PRUNE2: variants seen among roughly 807,000 people sequenced by gnomAD.
The protein encoded by PRUNE2 is prune homolog 2 with BCH domain.
Under a neutral mutation model 252.0 loss-of-function variants are expected in PRUNE2, and 164 were observed. The ratio of observed to expected loss-of-function variants is 0.65; its 90% CI spans 0.57 to 0.74. The LOEUF (loss-of-function observed/expected upper bound fraction) is 0.74. PRUNE2 is among the 30% of genes least tolerant of loss of function. The probability of loss-of-function intolerance (pLI) is 0.00; values close to 1 mark genes in which losing one functional copy is unlikely to be tolerated. For missense variants in PRUNE2, 3,495 were observed against 3,711.0 expected, an observed-to-expected ratio of 0.94 and a Z score of 1.51; for synonymous variants, 1,292 against 1,350.2, an observed-to-expected ratio of 0.96 and a Z score of 0.94.
chr9:76,637,593 T>C, intron 13 of PRUNE2, 44 bp from the exon 14 acceptor site: 1 of 1,567,124 alleles, frequency 6.4e-7, no homozygotes, highest in South Asian at 1.1e-5. Context: ...TCCCACATCC[T>C]ATTGACACCA....
chr9:76,616,868 T>C (rs912203349), intron 18 of PRUNE2, among the ~76,000 whole-genome samples: 3 of 151,826 alleles, frequency 2.0e-5, no homozygotes, highest in South Asian at 2.1e-4. Context: ...TGTAAAAATA[T>C]AAAAAGGCAT....
intron 4 of PRUNE2, among the ~76,000 whole-genome samples, chr9:76,838,930 G>A (rs956736940): frequency 6.6e-6 from 1 of 151,938 alleles, no homozygotes; most frequent in African/African-American, 2.4e-5. Flanking sequence ...TCTTTTTGGT[G>A]CAAAGTATTA....
intron 4 of PRUNE2, among the ~76,000 whole-genome samples, chr9:76,837,244 C>G (rs191489144): frequency 3.3e-5 from 5 of 152,084 alleles, no homozygotes; most frequent in Admixed American, 2.0e-4. Context: ...GCGATTGAGA[C>G]CATCCTGGCC....
chr9:76,865,806 TACACACACAC>T lies in PRUNE2; in HGVS notation c.37-11608_37-11599del, dbSNP rs34661457. ...TCCCTTCTTTCTCCCTCTCTCTCCCTACACACACACACACACACACACACACACACACACA... is the reference window on the plus strand; with the variant it reads ...TCCCTTCTTTCTCCCTCTCTCTCCCTACACACACACACACACACACACACA... On this transcript the variant is annotated intron_variant, in intron 1 of 18. Transcript: ENST00000376718. Among the ~76,000 whole-genome samples, 31 of 127,214 alleles carry T rather than the reference TACACACACAC, an allele frequency of 2.4e-4. No individual in the cohort carries two copies. The East Asian group carries it at 3.1e-3, about 13-fold the overall frequency. The allele number at this position is 127,214 out of a possible 152,430, so 83.5% of individuals were successfully genotyped here. A position where few individuals can be genotyped will look rare whatever the true frequency, so the allele number is the denominator to read the frequency against.
At chr9:76,746,386 G>A (rs1014120480) in intron 6 of PRUNE2, among the ~76,000 whole-genome samples, 4 of 152,280 alleles carry the variant, frequency 2.6e-5, no homozygotes, top group Admixed American at 2.0e-4. Context: ...AATCAGTCAT[G>A]CCTATGTAAT....
intron 6 of PRUNE2, among the ~76,000 whole-genome samples, chr9:76,806,657 A>C (rs556585563): frequency 6.8e-6 from 1 of 147,954 alleles, no homozygotes; most frequent in Admixed American, 6.8e-5. Flanking sequence ...ACAGGTGCCC[A>C]CCAACACGCC....
chr9:76,661,547 T>C (rs1369518748), intron 9 of PRUNE2, among the ~76,000 whole-genome samples: 4 of 152,166 alleles, frequency 2.6e-5, no homozygotes, highest in Non-Finnish European at 4.4e-5. Context: ...CTGGCCAGCA[T>C]TACAGTATTA....
chr9:76,705,605 T>C lies in PRUNE2; in HGVS notation c.6669A>G (p.Arg2223=). The C allele has an allele frequency of 6.2e-7, 1 of 1,614,072 alleles. No individual in the cohort carries two copies. The highest frequency in any genetic ancestry group is 8.5e-7 in the Non-Finnish European group (1 of 1,179,896). ...DMAPILEPVD[R]RIPRIENVAT... Reference sequence around the variant, plus strand: ...CCACATTTTCAATCCTTGGGATTCTTCTGTCAACTGGTTCCAAAATTGGTG... The same window carrying C: ...CCACATTTTCAATCCTTGGGATTCTCCTGTCAACTGGTTCCAAAATTGGTG... Residue 2223 remains arginine (R), a synonymous_variant, in exon 8 of 19, where the codon AGA becomes AGG. Coordinates refer to ENST00000376718, the MANE Select transcript of PRUNE2 (RefSeq NM_015225.3).
intron 1 of PRUNE2, among the ~76,000 whole-genome samples, chr9:76,873,132 C>G (rs188344431): frequency 5.3e-5 from 8 of 151,972 alleles, no homozygotes; most frequent in Admixed American, 6.5e-5. Flanking sequence ...TCCGAGGAAG[C>G]CTGGCCCTGA....
chr9:76,894,716 G>GAAAA (rs1170899729), intron 1 of PRUNE2, among the ~76,000 whole-genome samples: 3 of 110,714 alleles, frequency 2.7e-5, no homozygotes, highest in East Asian at 4.3e-4. Flanking sequence ...ATTTTCTGCA[G>GAAAA]CAAAAAAAAA....
chr9:76,823,354 G>A (rs1247230385), intron 6 of PRUNE2: 2 of 364,006 alleles, frequency 5.5e-6, no homozygotes, highest in African/African-American at 4.1e-5. Context: ...TATTAAACAG[G>A]TTAAATATAC....
intron 9 of PRUNE2, among the ~76,000 whole-genome samples, chr9:76,694,860 G>A (rs1419457083): frequency 6.6e-6 from 1 of 152,010 alleles, no homozygotes; most frequent in Non-Finnish European, 1.5e-5. Context: ...CTCCAGTGGA[G>A]TTTTAGTTAT....
In PRUNE2 at chr9:76,879,878, C is replaced by CATAT. The variant is rs1391636538; in HGVS notation, c.37-25674_37-25671dup. Among the ~76,000 whole-genome samples the CATAT allele has an allele frequency of 6.9e-3, 520 of 75,338 alleles. 24 individuals carry two copies. The highest frequency in any genetic ancestry group is 0.03 in the East Asian group (59 of 1,938). The allele number at this position is 75,338 out of a possible 152,430, so 49.4% of individuals were successfully genotyped here. A position where few individuals can be genotyped will look rare whatever the true frequency, so the allele number is the denominator to read the frequency against. ...TCAGTTCTGTAAGAAAGAGGCCTGTCATATATATATATATATATATATATA... is the reference window on the plus strand; with the variant it reads ...TCAGTTCTGTAAGAAAGAGGCCTGTCATATATATATATATATATATATATATATA... On this transcript the variant is annotated intron_variant, in intron 1 of 18. Transcript: ENST00000376718.
At chr9:76,757,043 C>G (rs918174942) in intron 6 of PRUNE2, among the ~76,000 whole-genome samples, 8 of 152,224 alleles carry the variant, frequency 5.3e-5, no homozygotes, top group Admixed American at 1.3e-4. Context: ...CAAATTCAAA[C>G]AGGCCATCAA....
chr9:76,846,570 C>G lies in PRUNE2; in HGVS notation c.453G>C (p.Glu151Asp). The change falls in exon 4 of 19, where the codon GAG becomes GAC. Residue 151 changes from glutamate to aspartate, a missense_variant. Physicochemically the swap from Glu to Asp is conservative, Grantham distance 45. Transcript: ENST00000376718. ...RESSSSLVLK[E>D]ILQEAPELIT... The stretch of plus-strand genomic sequence containing the variant: ...TGAGCTCAGGAGCCTCTTGGAGAAT[C>G]TCCTTTAGCACGAGAGAAGAGGAAG... 6 of 1,614,150 alleles carry G rather than the reference C, an allele frequency of 3.7e-6. No individual in the cohort carries two copies. The highest frequency in any genetic ancestry group is 5.1e-6 in the Non-Finnish European group (6 of 1,180,002).
At chr9:76,767,893 T>G (rs1206413964) in intron 6 of PRUNE2, among the ~76,000 whole-genome samples, 3 of 152,232 alleles carry the variant, frequency 2.0e-5, no homozygotes, top group Non-Finnish European at 4.4e-5. Context: ...TTCCCTGGCT[T>G]CCTAACCCTC....
intron 6 of PRUNE2, among the ~76,000 whole-genome samples, chr9:76,813,374 C>T (rs549623002): frequency 1.1e-4 from 16 of 152,204 alleles, no homozygotes; most frequent in African/African-American, 2.6e-4. Context: ...ACTATCTGGC[C>T]CTTTTCAGAA....
At chr9:76,671,618 GA>G (rs2041495183) in intron 9 of PRUNE2, among the ~76,000 whole-genome samples, 1 of 152,266 alleles carries the variant, frequency 6.6e-6, no homozygotes, top group Non-Finnish European at 1.5e-5. Flanking sequence ...CACCAAAGTT[GA>G]AATGAAGGAA....
At chr9:76,632,360 T>C (rs1024404595) in intron 15 of PRUNE2, among the ~76,000 whole-genome samples, 71 of 152,334 alleles carry the variant, frequency 4.7e-4, no homozygotes, top group African/African-American at 1.7e-3. Flanking sequence ...CTGAAGTAAA[T>C]TGACTCAAAG....
Sources: gnomAD v4.1 joint callset for allele counts (sites outside exome capture counted in the v4.1 genomes callset) on GRCh38, gnomAD v4.1.1 for gene constraint, MANE v1.5 for transcripts, NCBI Gene and HGNC (gene_info 2026-07-23, HGNC 2026-07-21) for gene names.